The following TDRD1 variants were observed in gnomAD, a reference collection of about 807,000 sequenced individuals.
The protein encoded by TDRD1 is tudor domain containing 1.
Under a neutral mutation model 140.6 loss-of-function variants are expected in TDRD1, and 37 were observed. The ratio of observed to expected loss-of-function variants is 0.26; its 90% CI spans 0.20 to 0.35. The LOEUF is 0.35. Among genes scored for constraint, TDRD1 ranks in the 10% least tolerant of loss-of-function variants. The pLI, the probability that TDRD1 is intolerant of heterozygous loss-of-function variation, is 1.00. For missense variants in TDRD1, 1,243 were observed against 1,393.0 expected, an observed-to-expected ratio of 0.89 and a Z score of 1.71; for synonymous variants, 506 against 475.7, an observed-to-expected ratio of 1.06 and a Z score of -0.83.
intron 1 of TDRD1, among the ~76,000 whole-genome samples, chr10:114,183,422 A>G (rs2033257703): frequency 6.6e-6 from 1 of 152,190 alleles, no homozygotes; most frequent in Non-Finnish European, 1.5e-5. Context: ...AAAATGATTC[A>G]TTCAATATAA....
intron 14 of TDRD1, among the ~76,000 whole-genome samples, chr10:114,213,092 G>A (rs1244786015): frequency 6.6e-6 from 1 of 152,134 alleles, no homozygotes; most frequent in Admixed American, 6.5e-5. Flanking sequence ...TCTTGGTAGA[G>A]ATGTGAGTCT....
intron 18 of TDRD1, 135 bp downstream of exon 18, chr10:114,218,719 C>G: frequency 4.6e-6 from 3 of 654,668 alleles, no homozygotes; most frequent in Admixed American, 7.4e-5. Context: ...AGAAATTTTA[C>G]TTACAATATT....
chr10:114,228,014 A>T lies in TDRD1; in HGVS notation c.3451-24A>T, dbSNP rs2036539061. 1.9e-6 allele frequency: 3 copies of T among 1,610,732 alleles called. No individual in the cohort carries two copies. In the South Asian group the frequency reaches 3.3e-5, roughly 18 times the overall value. On this transcript the variant is annotated intron_variant, in intron 24 of 25. Coordinates refer to ENST00000251864, the Ensembl canonical transcript of TDRD1. ...TCCTAACGTTTTTAGAAATTAAATC[A>T]TATGGTTTCTTTTTCACCCACAGGT...
At chr10:114,231,645 C>T in exon 26 of TDRD1, 1 of 660,298 alleles carries the variant, frequency 1.5e-6, no homozygotes, top group East Asian at 3.1e-5. Context: ...GCCTGCCTGC[C>T]ATTCTCCTAT....
chr10:114,220,982 T>C, intron 19 of TDRD1, 139 bp downstream of exon 19: 1 of 607,078 alleles, frequency 1.6e-6, no homozygotes, highest in South Asian at 2.2e-5. Context: ...AATATTGTAT[T>C]ATTATTAAAT....
intron 11 of TDRD1, among the ~76,000 whole-genome samples, chr10:114,207,605 A>G (rs1394277789): frequency 6.6e-6 from 1 of 152,104 alleles, no homozygotes; most frequent in Admixed American, 6.5e-5. Flanking sequence ...ACAGAGGTCT[A>G]GTGGTAGTCA....
chr10:114,231,141 A>G (rs954838904), intron 25 of TDRD1, among the ~76,000 whole-genome samples: 1 of 152,220 alleles, frequency 6.6e-6, no homozygotes, highest in South Asian at 2.1e-4. Flanking sequence ...TTTAATTGTA[A>G]AATTGCTAAA....
Position 114,231,492 on chromosome 10 carries a change from C to T in TDRD1, c.3545C>T (p.Ala1182Val), listed in dbSNP as rs377011879. 5 of 1,601,186 alleles carry T rather than the reference C, an allele frequency of 3.1e-6. No homozygotes were observed. Among genetic ancestry groups the T allele is most frequent in the Admixed American group, 1.7e-5 (1 of 57,198 alleles). ...GATTTTTTTTCTTTTTCAGAAACAG[C>T]ATCTCTTGGAGGTAAACCCTTATGA... The change falls in exon 26 of 26, where the codon GCA becomes GTA. Residue 1182 changes from alanine to valine, a missense_variant. Physicochemically the swap from Ala to Val is moderately conservative, Grantham distance 64 (BLOSUM62 0). This residue lies in a region of TDRD1 where 601 missense variants were observed against 734.7 expected (regional missense o/e 0.82). Transcript: ENST00000251864.
exon 14 of TDRD1, chr10:114,211,929 G>T: frequency 6.2e-7 from 1 of 1,612,272 alleles, no homozygotes; most frequent in Non-Finnish European, 8.5e-7. Context: ...GTACTGGTCG[G>T]ATATGTAGAT....
chr10:114,180,535 A>C (rs1378606717), intron 1 of TDRD1, among the ~76,000 whole-genome samples: 3 of 152,120 alleles, frequency 2.0e-5, no homozygotes. Flanking sequence ...GCGCGATCCC[A>C]GCTCACTGCA....
chr10:114,214,294 T>G (rs1230466222), intron 16 of TDRD1, among the ~76,000 whole-genome samples, 180 bp downstream of exon 16: 1 of 152,260 alleles, frequency 6.6e-6, no homozygotes, highest in East Asian at 1.9e-4. Context: ...TAAGCCATTA[T>G]TTCTATTTTC....
chr10:114,202,097 T>G, intron 5 of TDRD1, 141 bp from the exon 6 acceptor site: 1 of 639,760 alleles, frequency 1.6e-6, no homozygotes, highest in Non-Finnish European at 2.6e-6. Flanking sequence ...CTGGGGAGTT[T>G]TACATTACCA....
At chr10:114,225,028 T>C (rs2036354318) in intron 21 of TDRD1, among the ~76,000 whole-genome samples, 1 of 152,226 alleles carries the variant, frequency 6.6e-6, no homozygotes, top group Non-Finnish European at 1.5e-5. Flanking sequence ...GTCGCCATCT[T>C]GATGGGCTGT....
intron 13 of TDRD1, 58 bp from the exon 14 acceptor site, chr10:114,211,808 T>A: frequency 7.0e-7 from 1 of 1,430,774 alleles, no homozygotes; most frequent in South Asian, 1.7e-5. Context: ...GGAAGAAAGG[T>A]TTTTATTTAC....
upstream of TDRD1, chr10:114,179,156 T>G (rs1564926393): frequency 6.6e-6 from 1 of 152,242 alleles, no homozygotes; most frequent in Non-Finnish European, 1.5e-5. Flanking sequence ...AAATAAAAGT[T>G]TCTGCAAAGG....
intron 1 of TDRD1, among the ~76,000 whole-genome samples, chr10:114,185,515 A>T (rs2033445414): frequency 6.6e-6 from 1 of 151,772 alleles, no homozygotes; most frequent in South Asian, 2.1e-4. Flanking sequence ...AATGTAAAAT[A>T]TCTTCACGTG....
chr10:114,194,701 G>T (rs1400010367), intron 3 of TDRD1, among the ~76,000 whole-genome samples: 1 of 144,534 alleles, frequency 6.9e-6, no homozygotes, highest in Non-Finnish European at 1.5e-5. Flanking sequence ...TTTTGGGCAT[G>T]TTTTTTTGTC....
At chr10:114,214,343 T>G (rs1457530117) in intron 16 of TDRD1, among the ~76,000 whole-genome samples, 2 of 152,228 alleles carry the variant, frequency 1.3e-5, no homozygotes, top group Non-Finnish European at 2.9e-5. Context: ...TTACATTTCA[T>G]AGAGTATCTC....
At chr10:114,199,907 T>A (rs1459480163) in intron 4 of TDRD1, among the ~76,000 whole-genome samples, 1 of 152,244 alleles carries the variant, frequency 6.6e-6, no homozygotes, top group Non-Finnish European at 1.5e-5. Context: ...AATAGAGCTC[T>A]CTAAACATTT....
Sources: allele counts gnomAD v4.1 joint callset (sites outside exome capture counted in the v4.1 genomes callset), GRCh38; gene constraint gnomAD v4.1.1; regional missense constraint gnomAD v4.1.1; transcripts MANE v1.5; gene names NCBI Gene and HGNC (gene_info 2026-07-23, HGNC 2026-07-21).